FGD6: variants seen among roughly 807,000 people sequenced by gnomAD.
FGD6 encodes the protein FYVE, RhoGEF and PH domain-containing protein 6.
A neutral mutation model predicts 149.4 loss-of-function variants in FGD6; 90 were observed. That is an observed-to-expected ratio of 0.60 (90% CI 0.51 to 0.72). The LOEUF (loss-of-function observed/expected upper bound fraction) is 0.72. Ranked by LOEUF, FGD6 falls within the 30% of genes least tolerant of loss-of-function variation. The pLI, the probability that FGD6 is intolerant of heterozygous loss-of-function variation, is 0.00. For synonymous variants in FGD6, 527 were observed against 584.0 expected, an observed-to-expected ratio of 0.90 and a Z score of 1.41; for missense variants, 1,437 against 1,684.8, an observed-to-expected ratio of 0.85 and a Z score of 2.57.
chr12:95,127,675 T>C (rs1232656293), intron 8 of FGD6, among the ~76,000 whole-genome samples: 1 of 152,196 alleles, frequency 6.6e-6, no homozygotes, highest in African/African-American at 2.4e-5. Context: ...TCTACCAACA[T>C]GAGAAATCCT....
At chr12:95,159,602 C>T (rs1471960346) in intron 3 of FGD6, among the ~76,000 whole-genome samples, 3 of 152,130 alleles carry the variant, frequency 2.0e-5, no homozygotes, top group African/African-American at 7.2e-5. Context: ...TTTTGGGAGG[C>T]CAAGGCAGGC....
At chr12:95,187,117 G>A (rs1755815171) in intron 2 of FGD6, among the ~76,000 whole-genome samples, 4 of 151,882 alleles carry the variant, frequency 2.6e-5, no homozygotes, top group Admixed American at 2.6e-4. Context: ...AGATCATGAG[G>A]TTAGGAGATC....
intron 2 of FGD6, among the ~76,000 whole-genome samples, chr12:95,186,729 C>T (rs1244675971): frequency 2.6e-5 from 4 of 152,110 alleles, no homozygotes; most frequent in Non-Finnish European, 4.4e-5. Flanking sequence ...TTACGGAAAA[C>T]GTTTGCTGAT....
chr12:95,208,183 T>C (rs1291417995), intron 2 of FGD6, among the ~76,000 whole-genome samples: 2 of 151,748 alleles, frequency 1.3e-5, no homozygotes, highest in East Asian at 3.9e-4. Flanking sequence ...GCCTGGGGAG[T>C]CGAGGCTGCA....
chr12:95,081,609 G>A (rs1232381100), intron 20 of FGD6, 53 bp from the exon 21 acceptor site: 1 of 1,333,874 alleles, frequency 7.5e-7, no homozygotes, highest in Non-Finnish European at 1.1e-6. Context: ...TCTGACGTGT[G>A]AACACCATAT....
chr12:95,160,633 C>T (rs538042093), intron 3 of FGD6, among the ~76,000 whole-genome samples: 2 of 152,264 alleles, frequency 1.3e-5, no homozygotes, highest in South Asian at 4.1e-4. Context: ...TCTCCATGTT[C>T]CTAGAATTTG....
Position 95,137,652 on chromosome 12 carries a change from A to T in FGD6, c.2864T>A (p.Ile955Asn), listed in dbSNP as rs767352641. The change falls in exon 7 of 21, where the codon ATC (isoleucine) becomes AAC (asparagine). Residue 955 changes from isoleucine to asparagine, a missense_variant. Around this residue, in one of 2 missense-constraint regions of FGD6, gnomAD observed 1,055 missense variants for 1,146.0 expected, o/e 0.92. Coordinates refer to ENST00000343958, the MANE Select transcript of FGD6 (RefSeq NM_018351.4). ...TAGATATGGTCCCTTCTTTACAAAG[A>T]TATCAGCAATTCTTTGTTGTTCAGT... Reference protein sequence around the residue: ...HWTEQQRIADIFVKKGPYLKM... With the variant: ...HWTEQQRIADNFVKKGPYLKM... 1 of 1,604,660 alleles carries T rather than the reference A, an allele frequency of 6.2e-7. No individual in the cohort carries two copies. The highest frequency in any genetic ancestry group is 1.7e-5 in the Admixed American group (1 of 57,946).
chr12:95,097,707 C>T (rs183632999), intron 14 of FGD6, among the ~76,000 whole-genome samples: 50 of 149,672 alleles, frequency 3.3e-4, no homozygotes, highest in African/African-American at 1.2e-3. Flanking sequence ...GGATGCTTCT[C>T]TGAGGTTCAA....
At chr12:95,086,202 GA>G (rs1456778000) in intron 18 of FGD6, among the ~76,000 whole-genome samples, 1 of 152,104 alleles carries the variant, frequency 6.6e-6, no homozygotes, top group Non-Finnish European at 1.5e-5. Context: ...GGCAGGTGAA[GA>G]AAAATAGTTC....
intron 2 of FGD6, among the ~76,000 whole-genome samples, chr12:95,204,509 C>T (rs557136706): frequency 6.6e-6 from 1 of 152,282 alleles, no homozygotes; most frequent in Non-Finnish European, 1.5e-5. Context: ...TCCCCCTTAT[C>T]ACTCCTGACG....
intron 2 of FGD6, among the ~76,000 whole-genome samples, chr12:95,180,348 T>C (rs12819447): frequency 2.0e-5 from 3 of 150,808 alleles, no homozygotes; most frequent in Non-Finnish European, 2.9e-5. Flanking sequence ...CCTCTGGGAC[T>C]AAAGTCCTGA....
At chr12:95,111,017 C>T (rs1011132407) in intron 9 of FGD6, among the ~76,000 whole-genome samples, 1 of 152,028 alleles carries the variant, frequency 6.6e-6, no homozygotes, top group Non-Finnish European at 1.5e-5. Flanking sequence ...GAGTCTTGCT[C>T]TGTCGCCCAG....
intron 2 of FGD6, among the ~76,000 whole-genome samples, chr12:95,192,877 T>C (rs1360104296): frequency 6.6e-6 from 1 of 152,190 alleles, no homozygotes; most frequent in Non-Finnish European, 1.5e-5. Context: ...GAATGTAGAA[T>C]GTGGTCAATT....
At chr12:95,212,538 A>G (rs1010538373) in intron 1 of FGD6, among the ~76,000 whole-genome samples, 2 of 152,226 alleles carry the variant, frequency 1.3e-5, no homozygotes, top group African/African-American at 2.4e-5. Flanking sequence ...CTACACTGTC[A>G]TATTATTGAC....
chr12:95,113,966 A>G (rs1163069628), intron 8 of FGD6, among the ~76,000 whole-genome samples: 3 of 152,168 alleles, frequency 2.0e-5, no homozygotes, highest in Admixed American at 6.5e-5. Context: ...ATCTCACCCA[A>G]CTCACACAAC....
At chr12:95,121,533 A>G (rs1216280278) in intron 8 of FGD6, among the ~76,000 whole-genome samples, 4 of 148,832 alleles carry the variant, frequency 2.7e-5, no homozygotes, top group African/African-American at 4.9e-5. Context: ...TGGGCCTACA[A>G]AACTATCTTT....
chr12:95,176,853 G>C (rs766240257), intron 2 of FGD6, among the ~76,000 whole-genome samples: 2 of 151,920 alleles, frequency 1.3e-5, no homozygotes, highest in African/African-American at 2.4e-5. Flanking sequence ...TTTTGAGATG[G>C]AGTCTCACTC....
chr12:95,153,970 G>T (rs527667524), intron 3 of FGD6, among the ~76,000 whole-genome samples: 12 of 149,556 alleles, frequency 8.0e-5, no homozygotes, highest in Middle Eastern at 3.4e-3. Context: ...AAGAGACAGA[G>T]AGAGAGAGAG....
rs74869399 is a variant in FGD6 at position 95,130,774 on chromosome 12, A to G, written c.3082+3965T>C. Among the ~76,000 whole-genome samples the G allele has an allele frequency of 6.4e-3, 969 of 152,332 alleles. 15 individuals are homozygous for G. The highest frequency in any genetic ancestry group is 0.022 in the African/African-American group (935 of 41,580). On this transcript the variant is annotated intron_variant, in intron 8 of 20. Coordinates refer to ENST00000343958, the MANE Select transcript of FGD6 (RefSeq NM_018351.4). ...ACAGCAGTACTTTCACAGCAACAGT[A>G]GATATGTCTTGCAAAGTAAAGAGTA...
Sources: allele counts gnomAD v4.1 joint callset (sites outside exome capture counted in the v4.1 genomes callset), GRCh38; gene constraint gnomAD v4.1.1; regional missense constraint gnomAD v4.1.1; transcripts MANE v1.5; gene names NCBI Gene and HGNC (gene_info 2026-07-23, HGNC 2026-07-21).